Variants in ARHGEF10L observed in about 807,000 individuals in gnomAD.
ARHGEF10L encodes the protein Rho guanine nucleotide exchange factor 10 like.
ARHGEF10L carries 69 observed loss-of-function variants against 141.2 expected under a neutral mutation model. The observed-to-expected ratio is 0.49, with a 90% CI of 0.40 to 0.60. ARHGEF10L has a LOEUF of 0.60. Among genes scored for constraint, ARHGEF10L ranks in the 20% least tolerant of loss-of-function variants. The probability of loss-of-function intolerance (pLI) is 0.00; values close to 1 mark genes in which losing one functional copy is unlikely to be tolerated. For synonymous variants in ARHGEF10L, 711 were observed against 718.5 expected (o/e 0.99, Z 0.17); for missense variants, 1,482 against 1,734.3 (o/e 0.85, Z 2.58).
At chr1:17,651,784 C>T (rs1376453156) in intron 22 of ARHGEF10L, among the ~76,000 whole-genome samples, 2 of 152,150 alleles carry the variant, frequency 1.3e-5, no homozygotes, top group Non-Finnish European at 2.9e-5. Context: ...GCGAGTGACT[C>T]TCTGTGGTAA....
chr1:17,613,903 C>T (rs2059670261), intron 8 of ARHGEF10L, among the ~76,000 whole-genome samples: 2 of 152,208 alleles, frequency 1.3e-5, no homozygotes, highest in Admixed American at 6.5e-5. Flanking sequence ...GGGGCATTCA[C>T]AGTACCAGCC....
At chr1:17,550,660 A>AAT (rs398073803) in intron 1 of ARHGEF10L, among the ~76,000 whole-genome samples, 3 of 150,548 alleles carry the variant, frequency 2.0e-5, no homozygotes, top group Admixed American at 2.0e-4. Flanking sequence ...GAAAAAAAAA[A>AAT]AGCCAAAAAA....
intron 9 of ARHGEF10L, chr1:17,618,520 C>T (rs1344621260): frequency 2.8e-6 from 4 of 1,434,170 alleles, no homozygotes; most frequent in African/African-American, 1.5e-5. Context: ...GTCTCCTGCT[C>T]AGGTAAGGGC....
chr1:17,609,533 GA>G (rs916203411), intron 7 of ARHGEF10L, among the ~76,000 whole-genome samples: 1 of 152,216 alleles, frequency 6.6e-6, no homozygotes, highest in Non-Finnish European at 1.5e-5. Context: ...CACTGAATGG[GA>G]AACAGTTTGT....
chr1:17,564,061 G>T (rs1016296557), intron 1 of ARHGEF10L, among the ~76,000 whole-genome samples: 1 of 152,164 alleles, frequency 6.6e-6, no homozygotes, highest in African/African-American at 2.4e-5. Flanking sequence ...GCCCTTCCAG[G>T]CTTGGTCTGA....
intron 2 of ARHGEF10L, among the ~76,000 whole-genome samples, chr1:17,585,935 A>G (rs2078986625): frequency 6.6e-6 from 1 of 152,164 alleles, no homozygotes; most frequent in Non-Finnish European, 1.5e-5. Context: ...ATCCTTACAT[A>G]TACGGGCACT....
the ARHGEF10L span, among the ~76,000 whole-genome samples, chr1:17,527,525 G>A: frequency 3.3e-5 from 5 of 152,230 alleles, no homozygotes; most frequent in East Asian, 3.9e-4. Flanking sequence ...GGCACCACCC[G>A]TACCCCTCAC....
Position 17,684,515 on chromosome 1 carries a change from C to T in ARHGEF10L, c.3010-3058C>T, listed in dbSNP as rs113738699. Among the ~76,000 whole-genome samples the T allele has an allele frequency of 9.6e-3, 1,461 of 152,212 alleles. 26 individuals carry two copies. The highest frequency in any genetic ancestry group is 0.03 in the African/African-American group (1,235 of 41,536). ...TTGCACCTGGGCCTTCTCTGAGGGC[C>T]GGGAGTGGGTGGCTAAGAAAAGAGG... On this transcript the variant is annotated intron_variant, in intron 26 of 28. Coordinates refer to ENST00000361221, the MANE Select transcript of ARHGEF10L (RefSeq NM_018125.4).
intron 23 of ARHGEF10L, 110 bp from the exon 24 acceptor site, chr1:17,655,769 A>AGGGATGCTTCTCTCAG: frequency 1.0e-6 from 1 of 963,228 alleles, no homozygotes; most frequent in Non-Finnish European, 1.6e-6. Flanking sequence ...GGGCAGGAGA[A>AGGGATGCTTCTCTCAG]GGGATGCTTC....
At chr1:17,636,669 T>C (rs1374956383) in intron 18 of ARHGEF10L, among the ~76,000 whole-genome samples, 1 of 152,136 alleles carries the variant, frequency 6.6e-6, no homozygotes, top group Non-Finnish European at 1.5e-5. Flanking sequence ...AAGCTCGCCA[T>C]GCTCTTTGCT....
At chr1:17,587,401 C>T (rs2079113426) in intron 2 of ARHGEF10L, 59 bp from the exon 3 acceptor site, 3 of 1,544,756 alleles carry the variant, frequency 1.9e-6, no homozygotes, top group Admixed American at 3.8e-5. Context: ...CCCCAGCCAT[C>T]TCTCCATTGA....
At chr1:17,597,443 T>C (rs887535502) in intron 4 of ARHGEF10L, among the ~76,000 whole-genome samples, 3 of 151,846 alleles carry the variant, frequency 2.0e-5, no homozygotes, top group Admixed American at 6.6e-5. Flanking sequence ...GGGTCACGGG[T>C]ACAGGAGGGG....
At chr1:17,586,742 A>C (rs2079053075) in intron 2 of ARHGEF10L, among the ~76,000 whole-genome samples, 1 of 152,164 alleles carries the variant, frequency 6.6e-6, no homozygotes, top group African/African-American at 2.4e-5. Context: ...GGGCAGGGGC[A>C]GAGAAGGAGA....
chr1:17,518,338 G>C, the ARHGEF10L span, among the ~76,000 whole-genome samples: 1 of 152,182 alleles, frequency 6.6e-6, no homozygotes, highest in Non-Finnish European at 1.5e-5. Flanking sequence ...GGCAGGGGTT[G>C]ATTACCTTTG....
At chr1:17,565,506 A>C (rs565145871) in intron 1 of ARHGEF10L, among the ~76,000 whole-genome samples, 42 of 152,260 alleles carry the variant, frequency 2.8e-4, no homozygotes, top group Admixed American at 2.0e-3. Context: ...TCATTGCCTG[A>C]ATCTAGGCTC....
At chr1:17,650,269 T>C (rs913079633) in intron 22 of ARHGEF10L, among the ~76,000 whole-genome samples, 11 of 151,026 alleles carry the variant, frequency 7.3e-5, no homozygotes. Context: ...AAAAAAAAAT[T>C]AGCCAGGTGT....
intron 26 of ARHGEF10L, among the ~76,000 whole-genome samples, chr1:17,680,580 C>T (rs1335697247): frequency 2.6e-5 from 4 of 152,068 alleles, no homozygotes; most frequent in Non-Finnish European, 5.9e-5. Context: ...GGGTTCATTC[C>T]AGGTCACAGT....
intron 21 of ARHGEF10L, among the ~76,000 whole-genome samples, chr1:17,645,746 G>C (rs1372617182): frequency 6.6e-6 from 1 of 152,246 alleles, no homozygotes; most frequent in Admixed American, 6.5e-5. Context: ...ACCGTGCAAG[G>C]CGCCCCCGTG....
rs1209146547 is a variant in ARHGEF10L at position 17,623,240 on chromosome 1, G to A, written c.1200+65G>A. 7 of 1,558,660 alleles carry A rather than the reference G, an allele frequency of 4.5e-6. No homozygotes were observed. Among genetic ancestry groups the A allele is most frequent in the Admixed American group, 1.8e-5 (1 of 55,298 alleles). On this transcript the variant is annotated intron_variant, in intron 12 of 28. Transcript: ENST00000361221. The surrounding 1 kb of genome is among the most constrained non-coding windows in gnomAD (Gnocchi z 4.7). The stretch of plus-strand genomic sequence containing the variant: ...AAACCACAACCAGTCTGACCCCGGG[G>A]CCATGCAGTCCAGCCTCCTGCCTCT...
Sources: gnomAD v4.1 joint callset for allele counts (sites outside exome capture counted in the v4.1 genomes callset) on GRCh38, gnomAD v4.1.1 for gene constraint, Gnocchi (gnomAD v3.1) non-coding constraint, MANE v1.5 for transcripts, NCBI Gene and HGNC (gene_info 2026-07-23, HGNC 2026-07-21) for gene names.